Variants in CREB5 observed in about 807,000 individuals in gnomAD.
CREB5 encodes the protein cAMP responsive element binding protein 5.
A neutral mutation model predicts 57.1 loss-of-function variants in CREB5; 19 were observed. The observed-to-expected ratio is 0.33, with a 90% CI of 0.23 to 0.49. The LOEUF (loss-of-function observed/expected upper bound fraction) is 0.49. Among genes scored for constraint, CREB5 ranks in the 20% least tolerant of loss-of-function variants. The pLI, the probability that CREB5 is intolerant of heterozygous loss-of-function variation, is 0.99. For synonymous variants in CREB5, 238 were observed against 238.3 expected, an observed-to-expected ratio of 1.00 and a Z score of 0.01; for missense variants, 579 against 671.6, an observed-to-expected ratio of 0.86 and a Z score of 1.52.
In CREB5 at chr7:28,809,388, C is replaced by G; in HGVS notation, c.1228C>G (p.Leu410Val). 1 of 1,613,744 alleles carries G rather than the reference C, an allele frequency of 6.2e-7. No individual in the cohort carries two copies. The highest frequency in any genetic ancestry group is 8.5e-7 in the Non-Finnish European group (1 of 1,179,884). The part of the protein sequence containing the change: ...VMSLEKKAEE[L>V]TQTNMQLQNE... ...GTCATTGGAAAAGAAAGCAGAAGAA[C>G]TCACCCAGACAAACATGCAGCTTCA... The change falls in exon 9 of 11, where the codon CTC (leucine) becomes GTC (valine). Residue 410 changes from leucine (L) to valine (V), a missense_variant. Leu to Val is a conservative substitution (Grantham distance 32). Around this residue, in one of 3 missense-constraint regions of CREB5, gnomAD observed 114 missense variants for 130.8 expected, o/e 0.87. Transcript: ENST00000357727.
chr7:28,457,605 T>A (rs1269283789), intron 1 of CREB5, among the ~76,000 whole-genome samples: 4 of 152,216 alleles, frequency 2.6e-5, no homozygotes, highest in Non-Finnish European at 4.4e-5. Context: ...GGATTTTATG[T>A]TGATGTGCTT....
At chr7:28,367,721 T>C (rs1786616941) in intron 1 of CREB5, among the ~76,000 whole-genome samples, 1 of 152,066 alleles carries the variant, frequency 6.6e-6, no homozygotes, top group Non-Finnish European at 1.5e-5. Context: ...GGCAGGAGAA[T>C]TGCTTGAACC....
At chr7:28,555,920 T>C (rs1794845028) in intron 4 of CREB5, among the ~76,000 whole-genome samples, 1 of 152,130 alleles carries the variant, frequency 6.6e-6, no homozygotes, top group Non-Finnish European at 1.5e-5. Flanking sequence ...TAGAGCACAA[T>C]AGAATGAAAA....
chr7:28,306,820 C>T (rs576207539), intron 1 of CREB5, among the ~76,000 whole-genome samples: 3 of 152,228 alleles, frequency 2.0e-5, no homozygotes, highest in African/African-American at 7.2e-5. Flanking sequence ...CTCGGCCTCC[C>T]AAAGTGCTGG....
At chr7:28,377,026 C>A (rs7781036) in intron 1 of CREB5, among the ~76,000 whole-genome samples, 150,680 of 152,332 alleles carry the variant, frequency 0.99, 74,546 homozygotes, top group East Asian at 1. Context: ...CCCTCTGTGG[C>A]AATGCCTTAG....
chr7:28,424,663 C>G (rs895461472), intron 1 of CREB5, among the ~76,000 whole-genome samples: 1 of 152,234 alleles, frequency 6.6e-6, no homozygotes, highest in African/African-American at 2.4e-5. Flanking sequence ...TTAACACCAA[C>G]TTTTAACCAT....
At chr7:28,382,344 T>C (rs1361053931) in intron 1 of CREB5, among the ~76,000 whole-genome samples, 1 of 152,116 alleles carries the variant, frequency 6.6e-6, no homozygotes, top group Non-Finnish European at 1.5e-5. Context: ...GTCATTCTAA[T>C]TTAGAAGCAA....
chr7:28,667,009 G>A (rs1799852715), intron 5 of CREB5, among the ~76,000 whole-genome samples: 1 of 151,742 alleles, frequency 6.6e-6, no homozygotes, highest in South Asian at 2.1e-4. Context: ...CACAAACTTT[G>A]CTTGGATCAA....
At chr7:28,487,039 C>A (rs117736349) in intron 1 of CREB5, among the ~76,000 whole-genome samples, 1 of 152,072 alleles carries the variant, frequency 6.6e-6, no homozygotes, top group Non-Finnish European at 1.5e-5. Context: ...ATTTTTGAGA[C>A]GGAGTCTTGC....
Position 28,338,980 on chromosome 7 carries a change from T to A in CREB5, c.-25+39539T>A, listed in dbSNP as rs149845099. On this transcript the variant is annotated intron_variant, in intron 1 of 9. Coordinates refer to the CREB5 transcript ENST00000396299. ...TTTCTGCTTGATTCTCTGTATTTCA[T>A]TCTCTTTGTTAAATTTACCTGATAG... Among the ~76,000 whole-genome samples the A allele has an allele frequency of 6.3e-3, 962 of 152,134 alleles. 5 individuals carry two copies. Among genetic ancestry groups the A allele is most frequent in the African/African-American group, 0.022 (907 of 41,512 alleles).
At chr7:28,330,130 T>C (rs1484079378) in intron 1 of CREB5, among the ~76,000 whole-genome samples, 2 of 152,198 alleles carry the variant, frequency 1.3e-5, no homozygotes, top group African/African-American at 4.8e-5. Flanking sequence ...TGCAAATCAT[T>C]GTGCAAAACT....
intron 4 of CREB5, among the ~76,000 whole-genome samples, chr7:28,531,584 C>G (rs1253029502): frequency 1.3e-5 from 2 of 152,180 alleles, no homozygotes; most frequent in African/African-American, 4.8e-5. Flanking sequence ...AGGTCACATT[C>G]TGAGGTCCTG....
intron 7 of CREB5, among the ~76,000 whole-genome samples, chr7:28,784,629 G>A (rs1022501006): frequency 3.9e-5 from 6 of 152,156 alleles, no homozygotes; most frequent in Admixed American, 1.3e-4. Flanking sequence ...CAGAAATTTC[G>A]CGCCAGTGTG....
chr7:28,735,667 G>T (rs1440561528), intron 7 of CREB5, among the ~76,000 whole-genome samples: 2 of 152,138 alleles, frequency 1.3e-5, no homozygotes, highest in Non-Finnish European at 2.9e-5. Context: ...CTCCCTGAGG[G>T]GGAGGGATCT....
intron 1 of CREB5, among the ~76,000 whole-genome samples, chr7:28,472,608 G>A (rs767604538): frequency 6.6e-6 from 1 of 152,168 alleles, no homozygotes; most frequent in Non-Finnish European, 1.5e-5. Flanking sequence ...CATGGGATAG[G>A]CTGTGTGTTT....
chr7:28,592,364 G>A (rs535801492), intron 5 of CREB5, among the ~76,000 whole-genome samples: 1 of 152,360 alleles, frequency 6.6e-6, no homozygotes, highest in Non-Finnish European at 1.5e-5. Context: ...ATAGAATGCA[G>A]AAAGAGAGAC....
At position 28,399,950 on chromosome 7, in the gene CREB5, C is replaced by T. The variant is rs183586441; in HGVS notation, c.-24-94956C>T. Among the ~76,000 whole-genome samples, 30 of 152,046 alleles carry T rather than the reference C, an allele frequency of 2.0e-4. No individual in the cohort carries two copies. In the East Asian group the frequency reaches 5.0e-3, roughly 26 times the overall value. Reference sequence around the variant, plus strand: ...GCAGGTGCCTGTAATCCCAGGTACTCGGGAGGCTGAGGCAGGAGAATCCCT... The same window carrying T: ...GCAGGTGCCTGTAATCCCAGGTACTTGGGAGGCTGAGGCAGGAGAATCCCT... On this transcript the variant is annotated intron_variant, in intron 1 of 9. Transcript: ENST00000396299.
At chr7:28,452,229 A>G (rs1789856332) in intron 1 of CREB5, among the ~76,000 whole-genome samples, 1 of 152,182 alleles carries the variant, frequency 6.6e-6, no homozygotes, top group Non-Finnish European at 1.5e-5. Context: ...TACCTTTATG[A>G]CAAATATTTT....
chr7:28,306,224 A>G (rs946388594), intron 1 of CREB5, among the ~76,000 whole-genome samples: 1 of 152,184 alleles, frequency 6.6e-6, no homozygotes, highest in Admixed American at 6.5e-5. Flanking sequence ...TACTAGTTGT[A>G]ATATTTATTG....
Sources: gnomAD v4.1 joint callset for allele counts (sites outside exome capture counted in the v4.1 genomes callset) on GRCh38, gnomAD v4.1.1 for gene constraint, gnomAD v4.1.1 regional missense constraint, MANE v1.5 for transcripts, NCBI Gene and HGNC (gene_info 2026-07-23, HGNC 2026-07-21) for gene names.